EPHA4: variants seen among roughly 807,000 people sequenced by gnomAD.
The protein encoded by EPHA4 is EPH receptor A4, also known as ephrin type-A receptor 4.
A neutral mutation model predicts 108.3 loss-of-function variants in EPHA4; 19 were observed. The observed-to-expected ratio is 0.18, with a 90% CI of 0.12 to 0.26. The LOEUF is 0.26. Among genes scored for constraint, EPHA4 ranks in the 10% least tolerant of loss-of-function variants. EPHA4 has a pLI of 1.00. For missense variants in EPHA4, 917 were observed against 1,254.0 expected (o/e 0.73, Z 4.06); for synonymous variants, 449 against 455.5 (o/e 0.99, Z 0.18).
At chr2:221,443,767 G>C (rs1690506010) in intron 9 of EPHA4, among the ~76,000 whole-genome samples, 161 bp from the exon 10 acceptor site, 1 of 152,082 alleles carries the variant, frequency 6.6e-6, no homozygotes, top group Non-Finnish European at 1.5e-5. Context: ...TTCATTAGTG[G>C]GTAAACAAAA....
In EPHA4 at chr2:221,430,149, C is replaced by T. The variant is rs778932231; in HGVS notation, c.2499G>A (p.Val833=). 11 of 1,606,722 alleles carry T rather than the reference C, an allele frequency of 6.8e-6. No homozygotes were observed. Among genetic ancestry groups the T allele is most frequent in the East Asian group, 2.2e-5 (1 of 44,598 alleles). The part of the protein sequence containing the change: ...RPYWDMSNQD[V]IKAIEEGYRL... ...GATAGCCTTCCTCAATGGCTTTAAT[C>T]ACCTATGGAAGACAACAGGATGGTA... Residue 833 remains valine, a splice_region_variant and synonymous_variant, in exon 15 of 18, where the codon GTG becomes GTA. Coordinates refer to ENST00000281821, the MANE Select transcript of EPHA4 (RefSeq NM_004438.5).
chr2:221,460,944 T>C (rs1034989834), intron 5 of EPHA4, among the ~76,000 whole-genome samples: 1 of 152,218 alleles, frequency 6.6e-6, no homozygotes, highest in Non-Finnish European at 1.5e-5. Flanking sequence ...ACTTCAACAG[T>C]TGTATTTGAA....
At chr2:221,514,717 C>T (rs1692939025) in intron 3 of EPHA4, among the ~76,000 whole-genome samples, 1 of 152,062 alleles carries the variant, frequency 6.6e-6, no homozygotes, top group African/African-American at 2.4e-5. Context: ...TTTGTTTGTC[C>T]GTTTCTCATC....
chr2:221,493,657 C>A (rs1004945979), intron 4 of EPHA4, among the ~76,000 whole-genome samples: 1 of 152,016 alleles, frequency 6.6e-6, no homozygotes. Flanking sequence ...GCATTAGCAG[C>A]GAGGGCTTTG....
At chr2:221,540,964 G>A (rs907175978) in intron 3 of EPHA4, among the ~76,000 whole-genome samples, 10 of 147,838 alleles carry the variant, frequency 6.8e-5, no homozygotes, top group Middle Eastern at 3.4e-3. Context: ...AGGGTATGGC[G>A]GGGAGAGAGT....
At chr2:221,568,114 A>C (rs934629267) in intron 2 of EPHA4, among the ~76,000 whole-genome samples, 2 of 152,234 alleles carry the variant, frequency 1.3e-5, no homozygotes, top group Non-Finnish European at 2.9e-5. Context: ...CTCAATCCCC[A>C]AAGATTCTTC....
At chr2:221,443,631 G>C in intron 9 of EPHA4, 25 bp from the exon 10 acceptor site, 1 of 1,539,926 alleles carries the variant, frequency 6.5e-7, no homozygotes, top group Non-Finnish European at 9.0e-7. Context: ...TGATAAGTTG[G>C]CTGAATACTT....
At chr2:221,513,441 C>T (rs907313326) in intron 3 of EPHA4, among the ~76,000 whole-genome samples, 1 of 152,174 alleles carries the variant, frequency 6.6e-6, no homozygotes, top group Non-Finnish European at 1.5e-5. Flanking sequence ...TGTCAGGAAT[C>T]ATGATTTATG....
Position 221,430,157 on chromosome 2 carries a change from G to A in EPHA4, c.2497-6C>T, listed in dbSNP as rs1410898526. ...TCCTCAATGGCTTTAATCACCTATG[G>A]AAGACAACAGGATGGTATGTTAAGC... On this transcript the variant is annotated splice_polypyrimidine_tract_variant and splice_region_variant and intron_variant, in intron 14 of 17. Coordinates refer to ENST00000281821, the MANE Select transcript of EPHA4 (RefSeq NM_004438.5). 2 of 1,603,192 alleles carry A rather than the reference G, an allele frequency of 1.2e-6. No homozygotes were observed. The highest frequency in any genetic ancestry group is 1.7e-6 in the Non-Finnish European group (2 of 1,175,988).
Position 221,434,272 on chromosome 2 carries a change from C to T in EPHA4, c.2366G>A (p.Arg789Gln), listed in dbSNP as rs199606862. The T allele has an allele frequency of 8.1e-6, 13 of 1,613,986 alleles. No individual in the cohort carries two copies. The Admixed American group carries it at 1.0e-4, about 12-fold the overall frequency. The change falls in exon 14 of 18, where the codon CGG becomes CAG. Residue 789 changes from arginine (R) to glutamine (Q), a missense_variant. Transcript: ENST00000281821. ...YTTRGGKIPIRWTAPEAIAYR... is the reference protein window; with the variant it reads ...YTTRGGKIPIQWTAPEAIAYR... ...GGCAATTGCTTCTGGCGCAGTCCAC[C>T]GGATAGGAATCTTGCCACCCTGTGA...
At chr2:221,441,642 C>T (rs901869017) in intron 11 of EPHA4, among the ~76,000 whole-genome samples, 1 of 152,176 alleles carries the variant, frequency 6.6e-6, no homozygotes, top group African/African-American at 2.4e-5. Context: ...CCGTGGATGA[C>T]AACTGCTAAA....
At position 221,564,462 on chromosome 2, in the gene EPHA4, T is replaced by C; in HGVS notation, c.160-68A>G. 4.7e-6 allele frequency: 7 copies of C among 1,481,684 alleles called. No homozygotes were observed. The South Asian group carries it at 7.7e-5, about 16-fold the overall frequency. 91.8% of individuals were successfully genotyped at this position (1,481,684 alleles called of 1,614,324 possible). On this transcript the variant is annotated intron_variant, in intron 2 of 17. Coordinates refer to ENST00000281821, the MANE Select transcript of EPHA4 (RefSeq NM_004438.5). ...CATGCAGTGATTTGTCAATCCCATTTTATTCTCATAGGACACCTGATTATT... is the reference window on the plus strand; with the variant it reads ...CATGCAGTGATTTGTCAATCCCATTCTATTCTCATAGGACACCTGATTATT...
chr2:221,464,274 A>C (rs886423408), intron 5 of EPHA4, among the ~76,000 whole-genome samples: 6 of 152,360 alleles, frequency 3.9e-5, no homozygotes, highest in Admixed American at 2.0e-4. Flanking sequence ...AGCATATTTA[A>C]ATTTAATTAC....
At chr2:221,509,831 T>C (rs1692772129) in intron 3 of EPHA4, among the ~76,000 whole-genome samples, 1 of 152,214 alleles carries the variant, frequency 6.6e-6, no homozygotes, top group African/African-American at 2.4e-5. Context: ...CTTTTTGCCC[T>C]GCAGAATAAT....
At chr2:221,506,998 C>T (rs1424487265) in intron 3 of EPHA4, among the ~76,000 whole-genome samples, 2 of 152,132 alleles carry the variant, frequency 1.3e-5, no homozygotes, top group Non-Finnish European at 2.9e-5. Context: ...TTCATTATTA[C>T]CAATTCAATT....
chr2:221,471,170 A>G (rs760082036), intron 5 of EPHA4, among the ~76,000 whole-genome samples: 1 of 152,188 alleles, frequency 6.6e-6, no homozygotes, highest in African/African-American at 2.4e-5. Flanking sequence ...TTTTGTAGTC[A>G]TAAGAAATAA....
intron 2 of EPHA4, among the ~76,000 whole-genome samples, chr2:221,565,433 G>A (rs1013621722): frequency 6.6e-5 from 10 of 152,180 alleles, no homozygotes; most frequent in Admixed American, 6.5e-4. Context: ...CATTGATACA[G>A]ATCTGTTATA....
chr2:221,513,627 T>G (rs1692898687), intron 3 of EPHA4, among the ~76,000 whole-genome samples: 1 of 152,206 alleles, frequency 6.6e-6, no homozygotes, highest in Non-Finnish European at 1.5e-5. Context: ...TCCTGGCTCC[T>G]CTGATGGGTC....
chr2:221,559,496 C>T (rs1158811801), intron 3 of EPHA4, among the ~76,000 whole-genome samples: 2 of 151,878 alleles, frequency 1.3e-5, no homozygotes, highest in African/African-American at 4.8e-5. Context: ...TCACTTGAGG[C>T]CAGGAGTTCA....
Sources: gnomAD v4.1 joint callset for allele counts (sites outside exome capture counted in the v4.1 genomes callset) on GRCh38, gnomAD v4.1.1 for gene constraint, MANE v1.5 for transcripts, NCBI Gene and HGNC (gene_info 2026-07-23, HGNC 2026-07-21) for gene names.